Variants in CNTN6 observed in about 807,000 individuals in gnomAD.
The protein encoded by CNTN6 is contactin-6.
A neutral mutation model predicts 122.8 loss-of-function variants in CNTN6; 137 were observed. The observed-to-expected ratio is 1.12, with a 90% CI of 0.97 to 1.29. The LOEUF (loss-of-function observed/expected upper bound fraction) is 1.29. Ranked by LOEUF, CNTN6 falls within the 50% of genes most tolerant of loss-of-function variation. The pLI, the probability that CNTN6 is intolerant of heterozygous loss-of-function variation, is 0.00. For missense variants in CNTN6, 1,634 were observed against 1,223.4 expected (o/e 1.34, Z -5.01); for synonymous variants, 570 against 426.0 (o/e 1.34, Z -4.16).
intron 1 of CNTN6, among the ~76,000 whole-genome samples, chr3:1,130,211 C>T (rs115926392): frequency 0.012 from 1,825 of 152,116 alleles, 40 homozygotes; most frequent in African/African-American, 0.041. Context: ...ATTTCTAACC[C>T]TATATCTAAA....
chr3:1,202,487 G>A (rs968695337), intron 2 of CNTN6, among the ~76,000 whole-genome samples: 2 of 151,364 alleles, frequency 1.3e-5, no homozygotes, highest in African/African-American at 2.4e-5. Context: ...CTTGCAGTGA[G>A]CCAAGATGGC....
chr3:1,271,960 T>C lies in CNTN6; in HGVS notation c.359-6453T>C, dbSNP rs780740293. On this transcript the variant is annotated intron_variant, in intron 4 of 22. Coordinates refer to ENST00000446702, the MANE Select transcript of CNTN6 (RefSeq NM_001289080.2). ...AATTGTAGTTGCCATAATCCCCACA[T>C]GTCATGGGAGGGACCCAGTGGGAGG... Among the ~76,000 whole-genome samples, 79 of 152,152 alleles carry C rather than the reference T, an allele frequency of 5.2e-4. 1 individual carries two copies. The highest frequency in any genetic ancestry group is 1.2e-4 in the Non-Finnish European group (8 of 68,024).
At chr3:1,172,620 C>CTGTGTGTGTGTG (rs3836248) in intron 2 of CNTN6, among the ~76,000 whole-genome samples, 32 of 150,284 alleles carry the variant, frequency 2.1e-4, no homozygotes, top group African/African-American at 7.3e-4. Flanking sequence ...CAATAACTCT[C>CTGTGTGTGTGTG]TGTGTGTGTG....
chr3:1,140,510 A>T (rs1044908607), intron 1 of CNTN6, among the ~76,000 whole-genome samples: 2 of 152,210 alleles, frequency 1.3e-5, no homozygotes, highest in Non-Finnish European at 2.9e-5. Context: ...AGCTATGAAA[A>T]TAGAAAGCTG....
chr3:1,189,048 A>G (rs1344300446), intron 2 of CNTN6, among the ~76,000 whole-genome samples: 1 of 149,232 alleles, frequency 6.7e-6, no homozygotes, highest in South Asian at 2.1e-4. Flanking sequence ...TGATAAAAAC[A>G]AAACAAAACA....
intron 4 of CNTN6, among the ~76,000 whole-genome samples, chr3:1,248,775 G>A (rs995516240): frequency 2.6e-5 from 4 of 152,108 alleles, no homozygotes; most frequent in African/African-American, 7.2e-5. Flanking sequence ...AGCTGAGATC[G>A]TGCCATTGCA....
At chr3:1,185,681 A>G (rs2093619320) in intron 2 of CNTN6, among the ~76,000 whole-genome samples, 1 of 152,214 alleles carries the variant, frequency 6.6e-6, no homozygotes, top group South Asian at 2.1e-4. Flanking sequence ...TACATGTAGC[A>G]TAGTAATTGA....
chr3:1,383,465 C>G, intron 19 of CNTN6, 57 bp downstream of exon 19: 1 of 1,284,748 alleles, frequency 7.8e-7, no homozygotes, highest in African/African-American at 1.5e-5. Flanking sequence ...TTCGCAATAG[C>G]TCCTATTCAA....
intron 20 of CNTN6, among the ~76,000 whole-genome samples, chr3:1,388,397 C>A (rs1361286333): frequency 1.3e-5 from 2 of 150,394 alleles, no homozygotes; most frequent in Non-Finnish European, 3.0e-5. Context: ...ACATCCACAC[C>A]AAAAACCCAT....
chr3:1,163,226 C>T (rs1198631454), intron 2 of CNTN6, among the ~76,000 whole-genome samples: 2 of 152,114 alleles, frequency 1.3e-5, no homozygotes, highest in African/African-American at 4.8e-5. Context: ...TATGCTATTC[C>T]CTTGGGTAAT....
At chr3:1,328,602 C>A (rs9883833) in intron 10 of CNTN6, among the ~76,000 whole-genome samples, 3,896 of 151,770 alleles carry the variant, frequency 0.026, 187 homozygotes, top group African/African-American at 0.089. Flanking sequence ...ATTCTTATGG[C>A]TAAGAATTGA....
intron 1 of CNTN6, among the ~76,000 whole-genome samples, chr3:1,130,424 T>G (rs1339741485): frequency 2.6e-5 from 4 of 152,120 alleles, no homozygotes; most frequent in African/African-American, 9.7e-5. Context: ...CAGAAGTGCC[T>G]GAGAGTTAAT....
chr3:1,155,145 T>A (rs757224428), intron 2 of CNTN6, among the ~76,000 whole-genome samples: 5 of 152,198 alleles, frequency 3.3e-5, no homozygotes, highest in Non-Finnish European at 1.5e-5. Context: ...CTGTTTTCAA[T>A]GAGCTCGTCG....
chr3:1,381,887 T>A (rs1691943879), intron 17 of CNTN6, among the ~76,000 whole-genome samples: 1 of 152,112 alleles, frequency 6.6e-6, no homozygotes, highest in Non-Finnish European at 1.5e-5. Flanking sequence ...GTACAGAGAT[T>A]CTGCCCTCAT....
chr3:1,145,442 C>T (rs1304477653), intron 1 of CNTN6, among the ~76,000 whole-genome samples: 2 of 151,570 alleles, frequency 1.3e-5, no homozygotes, highest in African/African-American at 2.4e-5. Flanking sequence ...GGAGATGGTT[C>T]CTCAAAAGAA....
chr3:1,386,882 A>G (rs1216947886), intron 20 of CNTN6, among the ~76,000 whole-genome samples: 4 of 152,096 alleles, frequency 2.6e-5, no homozygotes, highest in Non-Finnish European at 4.4e-5. Flanking sequence ...ATAAAGTTAT[A>G]TTAAAGTTAT....
At chr3:1,148,333 A>T (rs966145236) in intron 2 of CNTN6, among the ~76,000 whole-genome samples, 4 of 151,978 alleles carry the variant, frequency 2.6e-5, no homozygotes, top group Admixed American at 2.6e-4. Flanking sequence ...GTAATATTTA[A>T]TTATATAATA....
chr3:1,150,228 T>C (rs1455744902), intron 2 of CNTN6, among the ~76,000 whole-genome samples: 1 of 152,220 alleles, frequency 6.6e-6, no homozygotes, highest in Admixed American at 6.5e-5. Context: ...TTTAGAAAAT[T>C]AGATTGTCTG....
At chr3:1,245,276 C>CATATATATATATATA (rs1559596978) in intron 4 of CNTN6, among the ~76,000 whole-genome samples, 77 of 7,072 alleles carry the variant, frequency 0.011, 17 homozygotes, top group Non-Finnish European at 0.021. Flanking sequence ...TATATATATA[C>CATATATATATATATA]ACACACATAT....
Sources: allele counts gnomAD v4.1 joint callset (sites outside exome capture counted in the v4.1 genomes callset), GRCh38; gene constraint gnomAD v4.1.1; transcripts MANE v1.5; gene names NCBI Gene and HGNC (gene_info 2026-07-23, HGNC 2026-07-21).